The following HIVEP3 variants were observed in gnomAD, a reference collection of about 807,000 sequenced individuals.
HIVEP3 encodes HIVEP zinc finger 3, also known as transcription factor HIVEP3.
A neutral mutation model predicts 152.8 loss-of-function variants in HIVEP3; 49 were observed. The ratio of observed to expected loss-of-function variants is 0.32; its 90% CI spans 0.26 to 0.41. The LOEUF is 0.41. Among genes scored for constraint, HIVEP3 ranks in the 10% least tolerant of loss-of-function variants. HIVEP3 has a pLI of 1.00. For synonymous variants in HIVEP3, 1,269 were observed against 1,289.0 expected (o/e 0.98, Z 0.33); for missense variants, 2,790 against 3,103.3 (o/e 0.90, Z 2.40).
chr1:41,582,817 G>A lies in HIVEP3; in HGVS notation c.1981C>T (p.His661Tyr). The A allele has an allele frequency of 6.2e-7, 1 of 1,614,106 alleles. No homozygotes were observed. The change falls in exon 4 of 9, where the codon CAC (histidine) becomes TAC (tyrosine). Residue 661 changes from histidine (H) to tyrosine (Y), a missense_variant. Physicochemically the swap from His to Tyr is moderately conservative, Grantham distance 83 (BLOSUM62 2). Coordinates refer to ENST00000372583, the MANE Select transcript of HIVEP3 (RefSeq NM_024503.5). This position sits in a 1 kb window ranked among gnomAD's most constrained non-coding sequence, Gnocchi z 4.7. Reference protein sequence around the residue: ...RYKKRDNYEAHKKYYCSELQI... With the variant: ...RYKKRDNYEAYKKYYCSELQI... ...AGCTCTGAGCAGTAGTATTTTTTGT[G>A]GGCTTCGTAGTTATCCCTTTTCTTG... is the stretch of plus-strand genomic sequence containing the variant.
chr1:41,666,449 T>C (rs1157907561), intron 2 of HIVEP3, among the ~76,000 whole-genome samples: 1 of 152,162 alleles, frequency 6.6e-6, no homozygotes, highest in Non-Finnish European at 1.5e-5. Flanking sequence ...ATGTCACTGA[T>C]CTTGACGTTC....
chr1:41,857,983 A>ATCTC (rs56967197), intron 1 of HIVEP3, among the ~76,000 whole-genome samples: 29,954 of 148,432 alleles, frequency 0.2, 3,198 homozygotes, highest in African/African-American at 0.28. Flanking sequence ...CAATCAATCA[A>ATCTC]TCTCTCTCTC....
chr1:41,857,434 T>C (rs1340562362), intron 1 of HIVEP3, among the ~76,000 whole-genome samples: 1 of 152,104 alleles, frequency 6.6e-6, no homozygotes, highest in Admixed American at 6.5e-5. Context: ...TGGCTGTGGT[T>C]TACATGAAAT....
chr1:41,835,405 A>G (rs1247601598), intron 1 of HIVEP3, among the ~76,000 whole-genome samples: 1 of 152,156 alleles, frequency 6.6e-6, no homozygotes, highest in Admixed American at 6.5e-5. Flanking sequence ...GGAGAAAGTG[A>G]GCTCTCTGGT....
intron 1 of HIVEP3, among the ~76,000 whole-genome samples, chr1:42,007,026 A>G (rs1332363069): frequency 6.6e-6 from 1 of 152,240 alleles, no homozygotes; most frequent in Admixed American, 6.5e-5. Flanking sequence ...GCATTGGACT[A>G]TATGTGTTTC....
intron 3 of HIVEP3, among the ~76,000 whole-genome samples, chr1:41,589,041 C>T (rs1644546621): frequency 6.6e-6 from 1 of 152,224 alleles, no homozygotes; most frequent in Non-Finnish European, 1.5e-5. Flanking sequence ...CTGTGACCAA[C>T]AGACACTAAG....
At chr1:41,774,820 T>A (rs349432) in intron 1 of HIVEP3, among the ~76,000 whole-genome samples, 93,451 of 150,802 alleles carry the variant, frequency 0.62, 29,892 homozygotes, top group African/African-American at 0.79. Flanking sequence ...TTTTTGAGAC[T>A]GGGCCTCACT....
Position 41,518,540 on chromosome 1 carries a change from C to A in HIVEP3, c.5384-52G>T. On this transcript the variant is annotated intron_variant, in intron 6 of 8. Transcript: ENST00000372583. Reference sequence around the variant, plus strand: ...TCTGCTATGGGGCAGGAGGCCAGGGCGGACCCAGGGCTCATGGAGGTAGCA... The same window carrying A: ...TCTGCTATGGGGCAGGAGGCCAGGGAGGACCCAGGGCTCATGGAGGTAGCA... 4 of 1,520,778 alleles carry A rather than the reference C, an allele frequency of 2.6e-6. 1 individual carries two copies. The African/African-American group carries it at 5.5e-5, about 21-fold the overall frequency. 94.2% of individuals were successfully genotyped at this position (1,520,778 alleles called of 1,614,324 possible).
At chr1:41,640,385 C>G (rs890283927) in intron 2 of HIVEP3, among the ~76,000 whole-genome samples, 1 of 152,038 alleles carries the variant, frequency 6.6e-6, no homozygotes, top group African/African-American at 2.4e-5. Flanking sequence ...GAACTAGGCA[C>G]TCTACACAGG....
chr1:41,625,225 G>A (rs1174754574), intron 3 of HIVEP3, among the ~76,000 whole-genome samples: 8 of 90,130 alleles, frequency 8.9e-5, no homozygotes, highest in East Asian at 3.0e-4. Context: ...CAAGCCAAAC[G>A]AAACAAGAAA....
In HIVEP3 at chr1:41,584,631, G is replaced by A. The variant is rs756144266; in HGVS notation, c.167C>T (p.Pro56Leu). 1.1e-5 allele frequency: 17 copies of A among 1,606,206 alleles called. No homozygotes were observed. The highest frequency in any genetic ancestry group is 2.2e-5 in the South Asian group (2 of 90,024). Reference sequence around the variant, plus strand: ...TGATGAGGGGCCCGGGAAGGGCTGCGGGGCTAAGAGCTCTTGGGCGGGGCT... The same window carrying A: ...TGATGAGGGGCCCGGGAAGGGCTGCAGGGCTAAGAGCTCTTGGGCGGGGCT... Reference protein sequence around the residue: ...QESPAQELLAPQPFPGPSSVL... With the variant: ...QESPAQELLALQPFPGPSSVL... The change falls in exon 4 of 9, where the codon CCG becomes CTG. Residue 56 changes from proline (P) to leucine (L), a missense_variant. Coordinates refer to ENST00000372583, the MANE Select transcript of HIVEP3 (RefSeq NM_024503.5). This position sits in a 1 kb window ranked among gnomAD's most constrained non-coding sequence, Gnocchi z 5.2.
chr1:41,635,509 T>C lies in HIVEP3; in HGVS notation c.-720-6562A>G, dbSNP rs368255947. Among the ~76,000 whole-genome samples the C allele has an allele frequency of 4.0e-5, 6 of 150,022 alleles. 1 individual carries two copies. The East Asian group carries it at 7.8e-4, about 19-fold the overall frequency. ...ATATATACACACACATATATACATA[T>C]ATAGCTGCATATATACATATATGCA... On this transcript the variant is annotated intron_variant, in intron 2 of 8. Transcript: ENST00000372583.
chr1:41,542,173 A>T (rs1156316543), intron 5 of HIVEP3: 1 of 152,260 alleles, frequency 6.6e-6, no homozygotes, highest in Non-Finnish European at 1.5e-5. Flanking sequence ...CCACCTCAAA[A>T]GCGAAGCTAA....
At chr1:41,764,081 A>G (rs1348865500) in intron 1 of HIVEP3, among the ~76,000 whole-genome samples, 1 of 152,218 alleles carries the variant, frequency 6.6e-6, no homozygotes, top group Non-Finnish European at 1.5e-5. Flanking sequence ...TATAGATGGG[A>G]AAAGCAGTCG....
chr1:41,787,416 C>T (rs139640778), intron 1 of HIVEP3, among the ~76,000 whole-genome samples: 140 of 152,294 alleles, frequency 9.2e-4, no homozygotes, highest in African/African-American at 3.1e-3. Flanking sequence ...TGGACAATGC[C>T]GATCTGGGCA....
rs1165565542 is a variant in HIVEP3 at position 41,918,884 on chromosome 1, C to T, written c.-1272G>A. 6.6e-6 allele frequency among the ~76,000 whole-genome samples: 1 copy of T among 152,194 alleles called. No individual in the cohort carries two copies. The highest frequency in any genetic ancestry group is 6.5e-5 in the Admixed American group (1 of 15,292). ...AGCTGTTTTCTGAATCCAGAGCCAA[C>T]CCATGCCTCGCTTGTCTTTTCCACT... On this transcript the variant is annotated 5_prime_UTR_variant, in exon 1 of 9. Transcript: ENST00000372583. This position sits in a 1 kb window ranked among gnomAD's most constrained non-coding sequence, Gnocchi z 4.3.
At chr1:41,717,299 G>GC (rs1272773727) in intron 1 of HIVEP3, among the ~76,000 whole-genome samples, 3 of 152,214 alleles carry the variant, frequency 2.0e-5, no homozygotes, top group Non-Finnish European at 4.4e-5. Flanking sequence ...TTTGTGTCAG[G>GC]CGCTATTCTA....
chr1:41,596,942 C>G (rs577338630), intron 3 of HIVEP3, among the ~76,000 whole-genome samples: 3 of 152,296 alleles, frequency 2.0e-5, no homozygotes, highest in East Asian at 3.9e-4. Context: ...TCTGCATGAC[C>G]ATGTTAACCT....
intron 5 of HIVEP3, among the ~76,000 whole-genome samples, chr1:41,534,028 G>A (rs1375172240): frequency 6.6e-6 from 1 of 151,956 alleles, no homozygotes; most frequent in East Asian, 1.9e-4. Flanking sequence ...TTTCCTTCAT[G>A]CTCCATAATC....
Sources: allele counts gnomAD v4.1 joint callset (sites outside exome capture counted in the v4.1 genomes callset), GRCh38; gene constraint gnomAD v4.1.1; non-coding constraint Gnocchi (gnomAD v3.1); transcripts MANE v1.5; gene names NCBI Gene and HGNC (gene_info 2026-07-23, HGNC 2026-07-21).